The following ZNF667 variants were observed in gnomAD, a reference collection of about 807,000 sequenced individuals.
ZNF667 encodes zinc finger protein 667.
Under a neutral mutation model 31.8 loss-of-function variants are expected in ZNF667, and 13 were observed. The observed-to-expected ratio is 0.41, with a 90% confidence interval of 0.27 to 0.65. ZNF667 has a LOEUF of 0.65. Ranked by LOEUF, ZNF667 falls within the 30% of genes least tolerant of loss-of-function variation. The pLI is 0.32. For synonymous variants in ZNF667, 228 were observed against 247.1 expected, an observed-to-expected ratio of 0.92 and a Z score of 0.73; for missense variants, 642 against 725.6, an observed-to-expected ratio of 0.88 and a Z score of 1.32.
intron 6 of ZNF667, among the ~76,000 whole-genome samples, chr19:56,448,892 C>T (rs1300731131): frequency 2.0e-5 from 3 of 152,084 alleles, no homozygotes; most frequent in African/African-American, 7.3e-5. Flanking sequence ...AGACCCAGCA[C>T]AGTCCCAGTG....
intron 6 of ZNF667, among the ~76,000 whole-genome samples, chr19:56,446,588 T>G (rs1276943774): frequency 6.6e-6 from 1 of 152,234 alleles, no homozygotes; most frequent in Non-Finnish European, 1.5e-5. Context: ...TCTGCACCAT[T>G]CTGAATTCTG....
Position 56,441,243 on chromosome 19 carries a change from T to C in ZNF667, c.1752A>G (p.Glu584=). ...TATATGCCTTCCCACATTTACTACA[T>C]TCATAGGGTTTCTCTGAAGAATGAC... ...QRSHSSEKPY[E]CSKCGKAYSR... Residue 584 remains glutamate (E), a synonymous_variant, in exon 7 of 7, where the codon GAA becomes GAG. Transcript: ENST00000504904. This position sits in a 1 kb window ranked among gnomAD's most constrained non-coding sequence, Gnocchi z 4.2. 6.2e-7 allele frequency: 1 copy of C among 1,614,148 alleles called. No homozygotes were observed. Among genetic ancestry groups the C allele is most frequent in the South Asian group, 1.1e-5 (1 of 91,082 alleles).
At chr19:56,471,249 T>G (rs2043286668) in intron 3 of ZNF667, among the ~76,000 whole-genome samples, 1 of 152,120 alleles carries the variant, frequency 6.6e-6, no homozygotes, top group African/African-American at 2.4e-5. Flanking sequence ...GATGCCTCCC[T>G]GAAGCTGCTA....
intron 1 of ZNF667, 152 bp from the exon 2 acceptor site, chr19:56,474,276 C>T (rs1344637687): frequency 1.3e-5 from 2 of 152,280 alleles, no homozygotes; most frequent in South Asian, 2.1e-4. Flanking sequence ...TCCTGATATA[C>T]TGAAAACCAG....
chr19:56,465,628 A>G (rs954194588), intron 3 of ZNF667, among the ~76,000 whole-genome samples: 2 of 152,246 alleles, frequency 1.3e-5, no homozygotes, highest in African/African-American at 4.8e-5. Context: ...CACTTGCCCA[A>G]CGTCATAAGG....
At chr19:56,476,056 A>G (rs2043399242) in intron 1 of ZNF667, among the ~76,000 whole-genome samples, 1 of 152,166 alleles carries the variant, frequency 6.6e-6, no homozygotes, top group African/African-American at 2.4e-5. Context: ...GCCAAGTTCT[A>G]CTTATGCTCA....
chr19:56,469,462 G>A (rs1445359903), intron 3 of ZNF667, among the ~76,000 whole-genome samples: 1 of 152,114 alleles, frequency 6.6e-6, no homozygotes, highest in Non-Finnish European at 1.5e-5. Flanking sequence ...CTCAATTGGG[G>A]ACAATACAGA....
At chr19:56,452,912 C>T (rs1278988914) in intron 6 of ZNF667, among the ~76,000 whole-genome samples, 1 of 148,272 alleles carries the variant, frequency 6.7e-6, no homozygotes, top group Admixed American at 6.7e-5. Context: ...GAGCAAGACT[C>T]TGTCTCAAAA....
chr19:56,447,596 AAAAC>A (rs1286212778), intron 6 of ZNF667, among the ~76,000 whole-genome samples: 2 of 152,100 alleles, frequency 1.3e-5, no homozygotes, highest in Non-Finnish European at 2.9e-5. Context: ...TCCTTAAAAA[AAAAC>A]AAACAAACAT....
Position 56,442,669 on chromosome 19 carries a change from T to G in ZNF667, c.326A>C (p.Gln109Pro). The G allele has an allele frequency of 2.5e-6, 4 of 1,613,008 alleles. No homozygotes were observed. Among genetic ancestry groups the G allele is most frequent in the Non-Finnish European group, 3.4e-6 (4 of 1,179,864 alleles). Residue 109 changes from glutamine to proline, a missense_variant, in exon 7 of 7, where the codon CAG becomes CCG. Physicochemically the swap from Gln to Pro is moderately conservative, Grantham distance 76 (BLOSUM62 -1). Coordinates refer to ENST00000504904, the MANE Select transcript of ZNF667 (RefSeq NM_001321356.2). The stretch of plus-strand genomic sequence containing the variant: ...TTTTTGTTGTGCAGAAACTAGTTTC[T>G]GGCAGATGCTTTGCCCAGATTTGTT... ...QCNKSGQSIC[Q>P]KLVSAQQKAP... is the part of the protein sequence containing the mutation.
intron 6 of ZNF667, among the ~76,000 whole-genome samples, chr19:56,456,126 G>T (rs2042926350): frequency 6.6e-6 from 1 of 152,180 alleles, no homozygotes; most frequent in East Asian, 1.9e-4. Flanking sequence ...TCTGCACAAA[G>T]TAAGTTCTCA....
At chr19:56,456,054 A>C (rs1368317292) in intron 6 of ZNF667, among the ~76,000 whole-genome samples, 2 of 152,244 alleles carry the variant, frequency 1.3e-5, no homozygotes, top group Non-Finnish European at 2.9e-5. Context: ...GGAATGACAG[A>C]GATTTCTACA....
chr19:56,470,805 T>A (rs2043276831), intron 3 of ZNF667, among the ~76,000 whole-genome samples: 1 of 152,126 alleles, frequency 6.6e-6, no homozygotes, highest in Non-Finnish European at 1.5e-5. Flanking sequence ...GTTTCCTTCG[T>A]ACAGAGATGG....
chr19:56,462,737 A>T (rs2043073583), intron 3 of ZNF667, among the ~76,000 whole-genome samples: 1 of 152,216 alleles, frequency 6.6e-6, no homozygotes, highest in Non-Finnish European at 1.5e-5. Context: ...CAGCTGTCCC[A>T]GGTACTGGGG....
chr19:56,463,761 A>G (rs925091816), intron 3 of ZNF667, among the ~76,000 whole-genome samples: 9 of 152,144 alleles, frequency 5.9e-5, no homozygotes, highest in African/African-American at 1.9e-4. Context: ...CCTGGGCTCA[A>G]GCAATCAGCC....
intron 6 of ZNF667, chr19:56,449,220 T>G (rs1443059399): frequency 2.5e-6 from 1 of 403,746 alleles, no homozygotes; most frequent in Non-Finnish European, 4.9e-6. Context: ...ACTACAAAGA[T>G]AAGAATAAAT....
intron 6 of ZNF667, among the ~76,000 whole-genome samples, chr19:56,446,241 AATATAGATAATAATCACGT>A (rs1393589137): frequency 6.6e-6 from 1 of 152,238 alleles, no homozygotes; most frequent in Non-Finnish European, 1.5e-5. Context: ...TTATCTTGAA[AATATAGATAATAATCACGT>A]ACCTCACAAG....
chr19:56,449,583 G>A, intron 6 of ZNF667: 1 of 216,704 alleles, frequency 4.6e-6, no homozygotes, highest in South Asian at 5.3e-5. Flanking sequence ...TCGGGAGGCT[G>A]AGGCACGAGA....
intron 4 of ZNF667, among the ~76,000 whole-genome samples, chr19:56,461,492 G>A (rs2043043944): frequency 6.6e-6 from 1 of 152,198 alleles, no homozygotes; most frequent in Non-Finnish European, 1.5e-5. Flanking sequence ...AAGTCTGGAA[G>A]AGGACCTGAG....
Sources: allele counts gnomAD v4.1 joint callset (sites outside exome capture counted in the v4.1 genomes callset), GRCh38; gene constraint gnomAD v4.1.1; non-coding constraint Gnocchi (gnomAD v3.1); transcripts MANE v1.5; gene names NCBI Gene and HGNC (gene_info 2026-07-23, HGNC 2026-07-21).